The following ANKRD35 variants were observed in gnomAD, a reference collection of about 807,000 sequenced individuals.
ANKRD35 encodes the protein ankyrin repeat domain 35.
ANKRD35 carries 102 observed loss-of-function variants against 109.9 expected under a neutral mutation model. That is an observed-to-expected ratio of 0.93 (90% CI 0.79 to 1.09). The LOEUF (loss-of-function observed/expected upper bound fraction) is 1.09. ANKRD35 is among the 50% of genes least tolerant of loss of function. The pLI is 0.00. For missense variants in ANKRD35, 1,240 were observed against 1,230.1 expected, an observed-to-expected ratio of 1.01 and a Z score of -0.12; for synonymous variants, 515 against 512.4, an observed-to-expected ratio of 1.01 and a Z score of -0.07.
intron 10 of ANKRD35, among the ~76,000 whole-genome samples, chr1:145,868,969 TAAAACTCAGTTTAAAAAGAC>T (rs1325320500): frequency 2.6e-5 from 4 of 152,206 alleles, no homozygotes; most frequent in African/African-American, 9.7e-5. Context: ...TTTATTTTTT[TAAAACTCAGTTTAAAAAGAC>T]TAAAATGTTC....
At position 145,873,740 on chromosome 1, in the gene ANKRD35, C is replaced by T. The variant is rs201111439; in HGVS notation, c.1029G>A (p.Glu343=). The change falls in exon 10 of 14, where the codon GAG becomes GAA. Residue 343 remains glutamate (E), a synonymous_variant. Transcript: ENST00000355594. Reference sequence around the variant, plus strand: ...GCTCCCAGGATAGGAGGACCCCTAGCTCCTGCGCCTGCTCTCGAATCTGGT... The same window carrying T: ...GCTCCCAGGATAGGAGGACCCCTAGTTCCTGCGCCTGCTCTCGAATCTGGT... ...LENQIREQAQ[E]LGVLLSWEPR... is the part of the protein sequence containing the mutation. 2 of 1,613,544 alleles carry T rather than the reference C, an allele frequency of 1.2e-6. No homozygotes were observed. Among genetic ancestry groups the T allele is most frequent in the East Asian group, 2.2e-5 (1 of 44,878 alleles).
In ANKRD35 at chr1:145,868,358, C is replaced by A. The variant is rs1417923545; in HGVS notation, c.2830G>T (p.Val944Phe). The A allele has an allele frequency of 2.5e-6, 4 of 1,614,076 alleles. No individual in the cohort carries two copies. The highest frequency in any genetic ancestry group is 1.3e-5 in the African/African-American group (1 of 74,908). ...GCATTTTCTCCCCGAATTGCTAGAACCTCTTCTGAAAGCTGCTCCAGCTTC... is the reference window on the plus strand; with the variant it reads ...GCATTTTCTCCCCGAATTGCTAGAAACTCTTCTGAAAGCTGCTCCAGCTTC... ...LKKLEQLSEE[V>F]LAIRGENARL... Residue 944 changes from valine to phenylalanine, a missense_variant, in exon 11 of 14, where the codon GTT becomes TTT. Coordinates refer to ENST00000355594, the MANE Select transcript of ANKRD35 (RefSeq NM_144698.5).
intron 1 of ANKRD35, 44 bp downstream of exon 1, chr1:145,885,676 A>G (rs1654449900): frequency 6.2e-7 from 1 of 1,603,012 alleles, no homozygotes; most frequent in Non-Finnish European, 8.5e-7. Flanking sequence ...GTCACCACAG[A>G]GCTGGGATCC....
In ANKRD35 at chr1:145,873,798, T is replaced by TTACAC; in HGVS notation, c.966_970dup (p.Lys324SerfsTer23). 1 of 1,609,102 alleles carries TTACAC rather than the reference T, an allele frequency of 6.2e-7. No homozygotes were observed. Among genetic ancestry groups the TTACAC allele is most frequent in the Non-Finnish European group, 8.5e-7 (1 of 1,177,494 alleles). ...GTCCAGATAGGCTGCAGCTTGAGTC[T>TTACAC]TACACTCTTCTGTCTTTTGCACCAG... On this transcript the variant is annotated frameshift_variant, in exon 10 of 14. Coordinates refer to ENST00000355594, the MANE Select transcript of ANKRD35 (RefSeq NM_144698.5). LOFTEE classifies it high-confidence loss of function.
intron 1 of ANKRD35, among the ~76,000 whole-genome samples, chr1:145,884,766 A>G (rs1232836589): frequency 6.6e-6 from 1 of 151,776 alleles, no homozygotes; most frequent in African/African-American, 2.4e-5. Flanking sequence ...TATCATTCCT[A>G]AGCAACTGGG....
At chr1:145,874,029 A>G in intron 9 of ANKRD35, 44 bp from the exon 10 acceptor site, 1 of 1,611,980 alleles carries the variant, frequency 6.2e-7, no homozygotes, top group Non-Finnish European at 8.5e-7. Flanking sequence ...CTAGGCAACG[A>G]ACTGAGCCCT....
At chr1:145,885,071 C>T (rs1346867504) in intron 1 of ANKRD35, among the ~76,000 whole-genome samples, 1 of 152,122 alleles carries the variant, frequency 6.6e-6, no homozygotes, top group Non-Finnish European at 1.5e-5. Flanking sequence ...CAGAAGGTTG[C>T]TGTTGTGGGA....
intron 2 of ANKRD35, 125 bp from the exon 3 acceptor site, chr1:145,878,604 G>A: frequency 1.2e-6 from 1 of 813,258 alleles, no homozygotes; most frequent in Non-Finnish European, 2.0e-6. Context: ...AGGAAAAGAA[G>A]CTCCCCTAGC....
chr1:145,875,175 C>G (rs587694441), intron 7 of ANKRD35, among the ~76,000 whole-genome samples, 169 bp from the exon 8 acceptor site: 2 of 151,284 alleles, frequency 1.3e-5, no homozygotes, highest in South Asian at 4.2e-4. Context: ...GACGGAGTTT[C>G]ACTCTTGTTG....
Position 145,873,321 on chromosome 1 carries a change from A to T in ANKRD35, c.1448T>A (p.Val483Glu). 6.2e-7 allele frequency: 1 copy of T among 1,614,134 alleles called. No homozygotes were observed. ...VEPGGTVAEP[V>E]GPAAMNQLLL... ...AAGCTGGTTCATGGCTGCTGGGCCC[A>T]CTGGTTCAGCCACTGTGCCTCCTGG... Residue 483 changes from valine (V) to glutamate (E), a missense_variant, in exon 10 of 14, where the codon GTG (valine) becomes GAG (glutamate). By Grantham distance (121) the Val-to-Glu change is moderately radical (BLOSUM62 -2). Transcript: ENST00000355594.
chr1:145,875,783 C>T (rs1262819565), intron 7 of ANKRD35, among the ~76,000 whole-genome samples: 6 of 151,288 alleles, frequency 4.0e-5, no homozygotes, highest in African/African-American at 7.3e-5. Context: ...CTCTTGACCT[C>T]GTGATCCACC....
At chr1:145,881,952 T>C (rs1654304318) in intron 1 of ANKRD35, among the ~76,000 whole-genome samples, 1 of 135,296 alleles carries the variant, frequency 7.4e-6, no homozygotes, top group South Asian at 2.6e-4. Flanking sequence ...TCCCCTTCTT[T>C]TTTTTTTTTT....
chr1:145,872,753 A>C lies in ANKRD35; in HGVS notation c.2016T>G (p.Ser672Arg). Residue 672 changes from serine to arginine, a missense_variant, in exon 10 of 14, where the codon AGT (serine) becomes AGG (arginine). Coordinates refer to ENST00000355594, the MANE Select transcript of ANKRD35 (RefSeq NM_144698.5). The stretch of plus-strand genomic sequence containing the variant: ...CCAGTTCATTTGTCAGCAGCCCCAC[A>C]CTCTGTCGCAACTGCTGTAGCTGGA... ...AQVQLQQLRQ[S>R]VGLLTNELAM... The C allele has an allele frequency of 6.2e-7, 1 of 1,613,636 alleles. No individual in the cohort carries two copies. Among genetic ancestry groups the C allele is most frequent in the Non-Finnish European group, 8.5e-7 (1 of 1,179,866 alleles).
intron 10 of ANKRD35, among the ~76,000 whole-genome samples, chr1:145,871,153 CTT>C (rs59433424): frequency 1.7e-4 from 13 of 78,094 alleles, no homozygotes; most frequent in African/African-American, 3.7e-4. Flanking sequence ...TTTCTTTTTT[CTT>C]TTTTTTTTTT....
chr1:145,868,268 C>T, intron 11 of ANKRD35, 43 bp downstream of exon 11: 1 of 1,592,904 alleles, frequency 6.3e-7, no homozygotes. Context: ...ACTTCCACTG[C>T]TGACCTTCTT....
chr1:145,867,633 G>A (rs1196550367), intron 12 of ANKRD35, among the ~76,000 whole-genome samples: 1 of 152,152 alleles, frequency 6.6e-6, no homozygotes, highest in African/African-American at 2.4e-5. Flanking sequence ...GTACACAATA[G>A]GTGTTCATTC....
Position 145,875,004 on chromosome 1 carries a change from G to T in ANKRD35, c.563C>A (p.Ser188Ter), listed in dbSNP as rs375460193. Residue 188 changes from serine (S) to a stop codon, truncating the protein, a stop_gained and splice_region_variant, in exon 8 of 14, where the codon TCG (serine) becomes TAG (stop). Transcript: ENST00000355594. LOFTEE classifies it high-confidence loss of function. ...TTTCTCACAGGCCAGGATCAAAGCC[G>T]ATCTGTGGGTTGAGACAAATCTGAG... is the stretch of plus-strand genomic sequence containing the variant. ...RVNVTDKNDK[S>*]ALILACEKGS... The T allele has an allele frequency of 1.4e-5, 23 of 1,596,598 alleles. No homozygotes were observed. The highest frequency in any genetic ancestry group is 1.8e-5 in the Non-Finnish European group (21 of 1,171,228).
At chr1:145,869,091 A>C (rs1312841425) in intron 10 of ANKRD35, among the ~76,000 whole-genome samples, 1 of 152,220 alleles carries the variant, frequency 6.6e-6, no homozygotes, top group African/African-American at 2.4e-5. Flanking sequence ...CCAATATGAT[A>C]AAACATTGAA....
chr1:145,879,354 A>G lies in ANKRD35; in HGVS notation c.74T>C (p.Leu25Pro). ...ERWNRHDQKL[L>P]EAVHRGDVGR... ...CACATCCCCCCTGTGCACTGCCTCC[A>G]GCAGCTTCTGATCATGGCGGTTCCA... Residue 25 changes from leucine (L) to proline (P), a missense_variant, in exon 2 of 14, where the codon CTG becomes CCG. Leu to Pro is a moderately conservative substitution (Grantham distance 98). Transcript: ENST00000355594. 6.2e-7 allele frequency: 1 copy of G among 1,601,620 alleles called. No homozygotes were observed. Among genetic ancestry groups the G allele is most frequent in the Non-Finnish European group, 8.5e-7 (1 of 1,174,416 alleles).
Sources: allele counts gnomAD v4.1 joint callset (sites outside exome capture counted in the v4.1 genomes callset), GRCh38; gene constraint gnomAD v4.1.1; transcripts MANE v1.5; gene names NCBI Gene and HGNC (gene_info 2026-07-23, HGNC 2026-07-21).